The following ADGRE1 variants were observed in gnomAD, a reference collection of about 807,000 sequenced individuals.
The protein encoded by ADGRE1 is EGF-like module receptor 1.
Under a neutral mutation model 102.7 loss-of-function variants are expected in ADGRE1, and 82 were observed. That is an observed-to-expected ratio of 0.80 (90% CI 0.67 to 0.96). ADGRE1 has a LOEUF of 0.96. Among genes scored for constraint, ADGRE1 ranks in the 40% least tolerant of loss-of-function variants. The pLI is 0.00. For missense variants in ADGRE1, 1,032 were observed against 1,085.3 expected (o/e 0.95, Z 0.69); for synonymous variants, 398 against 399.6 (o/e 1.00, Z 0.05).
At position 6,916,260 on chromosome 19, in the gene ADGRE1, A is replaced by C. The variant is rs371614553; in HGVS notation, c.1312A>C (p.Lys438Gln). The C allele has an allele frequency of 3.0e-5, 49 of 1,612,564 alleles. No homozygotes were observed. The highest frequency in any genetic ancestry group is 3.7e-5 in the Non-Finnish European group (44 of 1,179,184). Residue 438 changes from lysine to glutamine, a missense_variant, in exon 12 of 21, where the codon AAA becomes CAA. Transcript: ENST00000312053. ...VRTEYLDIES[K>Q]VINKECSEEN... is the part of the protein sequence containing the mutation. ...CTTTCTCTTTTTAGACATTGAGAGCAAAGTTATCAACAAAGAATGCAGTGA... is the reference window on the plus strand; with the variant it reads ...CTTTCTCTTTTTAGACATTGAGAGCCAAGTTATCAACAAAGAATGCAGTGA...
At position 6,887,582 on chromosome 19, in the gene ADGRE1, T is replaced by C. The variant is rs2144866941; in HGVS notation, c.-27T>C. On this transcript the variant is annotated 5_prime_UTR_variant, in exon 1 of 21. Transcript: ENST00000312053. ...CCCAGCGTTAGTAGAAAAGTTTCTT[T>C]TCTTTGAATGACAGAACTACAGCAT... is the stretch of plus-strand genomic sequence containing the variant. 1 of 1,611,378 alleles carries C rather than the reference T, an allele frequency of 6.2e-7. No homozygotes were observed. The highest frequency in any genetic ancestry group is 1.3e-5 in the African/African-American group (1 of 74,820).
intron 13 of ADGRE1, 53 bp downstream of exon 13, chr19:6,919,800 GTC>G: frequency 6.4e-7 from 1 of 1,554,870 alleles, no homozygotes; most frequent in African/African-American, 1.4e-5. Flanking sequence ...GGAACTCCTC[GTC>G]TCTCGATTGC....
intron 10 of ADGRE1, among the ~76,000 whole-genome samples, chr19:6,912,247 C>CAT (rs1019468356): frequency 6.6e-6 from 1 of 152,114 alleles, no homozygotes; most frequent in Admixed American, 6.6e-5. Flanking sequence ...CACACACACA[C>CAT]ATGCACACAC....
At chr19:6,933,775 C>T (rs980662352) in intron 17 of ADGRE1, among the ~76,000 whole-genome samples, 6 of 152,134 alleles carry the variant, frequency 3.9e-5, no homozygotes, top group African/African-American at 9.7e-5. Flanking sequence ...AACATCCTAC[C>T]GTGCACAAGG....
chr19:6,898,289 C>T (rs1973642759), intron 5 of ADGRE1: 1 of 1,592,602 alleles, frequency 6.3e-7, no homozygotes, highest in Non-Finnish European at 8.6e-7. Flanking sequence ...GAATTTGTAA[C>T]TCCAATTCTC....
intron 20 of ADGRE1, among the ~76,000 whole-genome samples, chr19:6,939,764 A>C (rs1309798935): frequency 2.0e-5 from 3 of 152,254 alleles, no homozygotes; most frequent in Admixed American, 6.5e-5. Flanking sequence ...CATATGGGCA[A>C]AAAATTTTGA....
intron 10 of ADGRE1, 62 bp from the exon 11 acceptor site, chr19:6,913,591 A>C: frequency 1.4e-4 from 193 of 1,404,232 alleles, no homozygotes; most frequent in Middle Eastern, 1.9e-4. Flanking sequence ...CAGAAAAGGG[A>C]CAGCTGTTAT....
chr19:6,917,393 A>T (rs191253119), intron 12 of ADGRE1, among the ~76,000 whole-genome samples: 57 of 152,226 alleles, frequency 3.7e-4, no homozygotes, highest in African/African-American at 1.4e-3. Flanking sequence ...ATGGTCATGG[A>T]ACTAAAAGTA....
intron 13 of ADGRE1, among the ~76,000 whole-genome samples, chr19:6,920,955 G>T (rs1370333705): frequency 6.6e-6 from 1 of 152,134 alleles, no homozygotes; most frequent in African/African-American, 2.4e-5. Context: ...CCTGTAAACA[G>T]CACAGATCAA....
chr19:6,889,736 C>T (rs562830084), intron 1 of ADGRE1, among the ~76,000 whole-genome samples: 1 of 150,860 alleles, frequency 6.6e-6, no homozygotes, highest in African/African-American at 2.4e-5. Context: ...TTGCCCTACC[C>T]TCTCATGAAA....
Position 6,910,570 on chromosome 19 carries a change from C to CTTTTT in ADGRE1, c.1122+1813_1122+1817dup, listed in dbSNP as rs11303491. Among the ~76,000 whole-genome samples, 17 of 112,650 alleles carry CTTTTT rather than the reference C, an allele frequency of 1.5e-4. 1 individual carries two copies. Among genetic ancestry groups the CTTTTT allele is most frequent in the Admixed American group, 4.5e-4 (4 of 8,970 alleles). The allele number at this position is 112,650 out of a possible 152,430, so 73.9% of individuals were successfully genotyped here. ...TCTAATGTGTCAAACTGTTCCAACT[C>CTTTTT]TTTTTTTTTTTTTTTTTTTGAGATG... On this transcript the variant is annotated intron_variant, in intron 10 of 20. Transcript: ENST00000312053.
intron 12 of ADGRE1, 102 bp from the exon 13 acceptor site, chr19:6,919,442 CTGTG>C (rs149877096): frequency 0.17 from 74,410 of 447,706 alleles, 2,469 homozygotes; most frequent in African/African-American, 0.23. Flanking sequence ...CTCCCTCCCT[CTGTG>C]TGTGTGTGTG....
intron 20 of ADGRE1, among the ~76,000 whole-genome samples, chr19:6,938,344 A>AAATT (rs10681469): frequency 0.7 from 106,121 of 151,396 alleles, 37,389 homozygotes; most frequent in Non-Finnish European, 0.74. Context: ...TCTCAAAAAA[A>AAATT]AATTAAATAA....
intron 13 of ADGRE1, among the ~76,000 whole-genome samples, chr19:6,920,082 G>T (rs1022061637): frequency 3.9e-5 from 6 of 152,160 alleles, no homozygotes; most frequent in African/African-American, 1.4e-4. Flanking sequence ...GCTGGGGCAG[G>T]TTTTATAGTC....
intron 2 of ADGRE1, among the ~76,000 whole-genome samples, chr19:6,892,206 C>T (rs988767744): frequency 5.9e-5 from 9 of 152,060 alleles, no homozygotes; most frequent in Admixed American, 2.6e-4. Flanking sequence ...CATCTGAGGC[C>T]TCATGCAGGG....
rs896160795 is a variant in ADGRE1 at position 6,903,946 on chromosome 19, T to G, written c.798T>G (p.Cys266Trp). 9.9e-6 allele frequency: 16 copies of G among 1,614,072 alleles called. No homozygotes were observed. The Admixed American group carries it at 1.3e-4, about 13-fold the overall frequency. The change falls in exon 7 of 21, where the codon TGT (cysteine) becomes TGG (tryptophan). Residue 266 changes from cysteine (C) to tryptophan (W), a missense_variant. By Grantham distance (215) the Cys-to-Trp change is radical. Transcript: ENST00000312053. ...ATTTCACAGACCAAGGAGTGGAATG[T>G]AGAGGTGAGCAGAGAGTTTGATGGA... ...QLNFTDQGVE[C>W]RDIDECRQDP... is the part of the protein sequence containing the mutation.
At chr19:6,898,090 G>A (rs1350329638) in intron 5 of ADGRE1, among the ~76,000 whole-genome samples, 2 of 152,028 alleles carry the variant, frequency 1.3e-5, no homozygotes, top group African/African-American at 4.8e-5. Flanking sequence ...AGAGAACAAG[G>A]TGGAAGTACA....
chr19:6,912,989 C>T (rs1202148488), intron 10 of ADGRE1, among the ~76,000 whole-genome samples: 2 of 152,140 alleles, frequency 1.3e-5, no homozygotes, highest in Non-Finnish European at 2.9e-5. Flanking sequence ...AGCTGGAGTG[C>T]AGTGGAGTGA....
intron 2 of ADGRE1, among the ~76,000 whole-genome samples, chr19:6,894,729 G>A (rs1316806116): frequency 6.6e-6 from 1 of 152,212 alleles, no homozygotes; most frequent in African/African-American, 2.4e-5. Flanking sequence ...GATGACCATG[G>A]TGTGGAGTAG....
Sources: gnomAD v4.1 joint callset for allele counts (sites outside exome capture counted in the v4.1 genomes callset) on GRCh38, gnomAD v4.1.1 for gene constraint, MANE v1.5 for transcripts, NCBI Gene and HGNC (gene_info 2026-07-23, HGNC 2026-07-21) for gene names.